Variants in HS3ST4 observed in about 807,000 individuals in gnomAD.
HS3ST4 encodes heparan sulfate glucosamine 3-O-sulfotransferase 4.
A neutral mutation model predicts 29.2 loss-of-function variants in HS3ST4; 17 were observed. The ratio of observed to expected loss-of-function variants is 0.58; its 90% CI spans 0.40 to 0.87. HS3ST4 has a LOEUF of 0.87. Ranked by LOEUF, HS3ST4 falls within the 40% of genes least tolerant of loss-of-function variation. The pLI is 0.00. For synonymous variants in HS3ST4, 314 were observed against 285.7 expected (o/e 1.10, Z -1.00); for missense variants, 627 against 634.5 (o/e 0.99, Z 0.13).
intron 1 of HS3ST4, among the ~76,000 whole-genome samples, chr16:25,870,950 A>G (rs755338681): frequency 6.6e-6 from 1 of 152,178 alleles, no homozygotes; most frequent in Non-Finnish European, 1.5e-5. Context: ...AAGGAGACAA[A>G]TGCTCTAGAT....
chr16:25,693,306 G>A (rs920728509), intron 1 of HS3ST4, among the ~76,000 whole-genome samples, 155 bp downstream of exon 1: 2 of 152,180 alleles, frequency 1.3e-5, no homozygotes, highest in Non-Finnish European at 2.9e-5. Context: ...TGCTCAGGGG[G>A]ATCGGCTGAG....
chr16:25,746,999 C>T (rs1966689707), intron 1 of HS3ST4, among the ~76,000 whole-genome samples: 1 of 152,150 alleles, frequency 6.6e-6, no homozygotes, highest in South Asian at 2.1e-4. Context: ...CAGGTGTGCA[C>T]CATCACACCA....
At chr16:25,938,605 G>T (rs1021509971) in intron 1 of HS3ST4, among the ~76,000 whole-genome samples, 4 of 151,552 alleles carry the variant, frequency 2.6e-5, no homozygotes, top group Non-Finnish European at 5.9e-5. Context: ...AAAAAAAAAA[G>T]GAGAAGAAAA....
intron 1 of HS3ST4, among the ~76,000 whole-genome samples, chr16:25,917,969 T>G (rs1359538653): frequency 1.3e-5 from 2 of 152,322 alleles, no homozygotes; most frequent in Admixed American, 6.5e-5. Flanking sequence ...CCATCCATGC[T>G]TACTTTAATA....
chr16:26,042,128 C>G (rs1334689728), intron 1 of HS3ST4, among the ~76,000 whole-genome samples: 1 of 152,122 alleles, frequency 6.6e-6, no homozygotes, highest in Non-Finnish European at 1.5e-5. Context: ...TTCTGTGCCC[C>G]CCGCCTGCCT....
intron 1 of HS3ST4, among the ~76,000 whole-genome samples, chr16:25,874,662 T>G (rs1299387806): frequency 6.6e-6 from 1 of 152,192 alleles, no homozygotes; most frequent in East Asian, 1.9e-4. Flanking sequence ...TATCCTTCCA[T>G]CCAGAAAATG....
intron 1 of HS3ST4, among the ~76,000 whole-genome samples, chr16:26,014,105 A>G (rs1969340562): frequency 6.6e-6 from 1 of 152,050 alleles, no homozygotes; most frequent in African/African-American, 2.4e-5. Context: ...CTCTTCCGCT[A>G]TTTTGCTTTA....
At chr16:25,933,371 T>C in intron 1 of HS3ST4, 1 of 517,204 alleles carries the variant, frequency 1.9e-6, no homozygotes, top group Non-Finnish European at 3.9e-6. Context: ...AGGTGAAACA[T>C]AATCTCAAAC....
At chr16:25,804,135 A>G (rs975206574) in intron 1 of HS3ST4, among the ~76,000 whole-genome samples, 1 of 152,194 alleles carries the variant, frequency 6.6e-6, no homozygotes, top group African/African-American at 2.4e-5. Flanking sequence ...CTCATAGATA[A>G]GACGTGAGAA....
chr16:25,692,472 G>GCGC lies in HS3ST4; in HGVS notation c.66_68dup (p.Pro23dup). 1.5e-5 allele frequency: 20 copies of GCGC among 1,363,174 alleles called. No homozygotes were observed. Among genetic ancestry groups the GCGC allele is most frequent in the Non-Finnish European group, 1.9e-5 (20 of 1,044,396 alleles). 84.4% of individuals were successfully genotyped at this position (1,363,174 alleles called of 1,614,324 possible). ...TCCGCCTCCGCCTCCACCTCTGGCC[G>GCGC]CGCCGCCGCCGCCCGGCGCCTCTGC... On this transcript the variant is annotated inframe_insertion, in exon 1 of 2. Transcript: ENST00000331351.
chr16:25,755,495 G>A (rs747869416), intron 1 of HS3ST4, among the ~76,000 whole-genome samples: 10 of 152,118 alleles, frequency 6.6e-5, no homozygotes, highest in Non-Finnish European at 1.3e-4. Context: ...GCTGACACAG[G>A]GTAGTGCTGG....
chr16:25,933,481 C>G, intron 1 of HS3ST4: 1 of 470,136 alleles, frequency 2.1e-6, no homozygotes, highest in South Asian at 1.5e-5. Flanking sequence ...GAGTGGAACA[C>G]AAAATTTTAG....
At chr16:25,904,328 A>G (rs975133808) in intron 1 of HS3ST4, among the ~76,000 whole-genome samples, 1 of 152,240 alleles carries the variant, frequency 6.6e-6, no homozygotes, top group African/African-American at 2.4e-5. Context: ...AGTAAAAAAT[A>G]TTCACTGCTC....
intron 1 of HS3ST4, among the ~76,000 whole-genome samples, chr16:26,099,131 C>G (rs1414264133): frequency 6.6e-6 from 1 of 152,098 alleles, no homozygotes; most frequent in African/African-American, 2.4e-5. Context: ...ATAATTTTCC[C>G]CAAGTCAAAC....
At chr16:25,954,363 C>T (rs1315979989) in intron 1 of HS3ST4, among the ~76,000 whole-genome samples, 1 of 152,120 alleles carries the variant, frequency 6.6e-6, no homozygotes, top group African/African-American at 2.4e-5. Context: ...CCCTTTCTAC[C>T]CCTGCCAAAC....
At chr16:25,913,985 GTGTGTGCAGGGAGGTGTATGTGTGTGTA>G (rs1437358838) in intron 1 of HS3ST4, among the ~76,000 whole-genome samples, 1 of 149,906 alleles carries the variant, frequency 6.7e-6, no homozygotes, top group Non-Finnish European at 1.5e-5. Context: ...TATGTGGTGT[GTGTGTGCAGGGAGGTGTATGTGTGTGTA>G]TGTGGATGTG....
intron 1 of HS3ST4, among the ~76,000 whole-genome samples, chr16:25,981,284 C>T (rs532468129): frequency 1.9e-3 from 294 of 151,952 alleles, no homozygotes; most frequent in African/African-American, 6.9e-3. Flanking sequence ...TTGCAGTGAG[C>T]TGAGATCGTG....
intron 1 of HS3ST4, among the ~76,000 whole-genome samples, chr16:25,964,645 GC>G (rs1163871829): frequency 2.0e-5 from 3 of 152,178 alleles, no homozygotes; most frequent in Non-Finnish European, 2.9e-5. Context: ...TGGCTCCAAA[GC>G]CTTTACGCTC....
At chr16:25,898,699 A>G (rs1436955448) in intron 1 of HS3ST4, among the ~76,000 whole-genome samples, 1 of 152,172 alleles carries the variant, frequency 6.6e-6, no homozygotes, top group Non-Finnish European at 1.5e-5. Flanking sequence ...AAAACCAAAC[A>G]GTGTTATTAA....
Sources: gnomAD v4.1 joint callset for allele counts (sites outside exome capture counted in the v4.1 genomes callset) on GRCh38, gnomAD v4.1.1 for gene constraint, MANE v1.5 for transcripts, NCBI Gene and HGNC (gene_info 2026-07-23, HGNC 2026-07-21) for gene names.